ROBO2: variants seen among roughly 807,000 people sequenced by gnomAD.
ROBO2 encodes the protein roundabout homolog 2.
In ROBO2, 53 loss-of-function variants were observed where a neutral mutation model predicts 160.8. That is an observed-to-expected ratio of 0.33 (90% CI 0.26 to 0.41). The LOEUF (loss-of-function observed/expected upper bound fraction) is 0.41. ROBO2 is among the 10% of genes least tolerant of loss of function. The pLI is 1.00. For synonymous variants in ROBO2, 664 were observed against 611.7 expected (o/e 1.09, Z -1.26); for missense variants, 1,577 against 1,722.4 (o/e 0.92, Z 1.49).
intron 2 of ROBO2, among the ~76,000 whole-genome samples, chr3:76,728,816 C>A (rs1333165512): frequency 6.6e-6 from 1 of 152,154 alleles, no homozygotes; most frequent in African/African-American, 2.4e-5. Context: ...AAAAATGTGC[C>A]AGAGGGCATC....
intron 2 of ROBO2, among the ~76,000 whole-genome samples, chr3:76,031,985 C>T (rs1394387141): frequency 1.3e-5 from 2 of 151,926 alleles, no homozygotes; most frequent in Non-Finnish European, 2.9e-5. Flanking sequence ...GCTGTGAATC[C>T]TGGACTTTTT....
intron 2 of ROBO2, among the ~76,000 whole-genome samples, chr3:77,099,334 A>G (rs577960118): frequency 1.4e-4 from 21 of 152,094 alleles, no homozygotes; most frequent in African/African-American, 5.1e-4. Context: ...TTATGTAGCT[A>G]TCCCAATGAA....
At chr3:76,968,019 G>T (rs1489046159) in intron 2 of ROBO2, among the ~76,000 whole-genome samples, 1 of 152,018 alleles carries the variant, frequency 6.6e-6, no homozygotes, top group African/African-American at 2.4e-5. Context: ...TACATTTTGT[G>T]TTTTTGTTTT....
chr3:75,953,167 G>T (rs1316865172), intron 2 of ROBO2, among the ~76,000 whole-genome samples: 3 of 151,916 alleles, frequency 2.0e-5, no homozygotes. Flanking sequence ...GTAAGAGTAT[G>T]TTTAGTTTTG....
intron 2 of ROBO2, among the ~76,000 whole-genome samples, chr3:76,118,841 G>A (rs752798305): frequency 2.2e-4 from 34 of 152,254 alleles, no homozygotes; most frequent in Middle Eastern, 3.4e-3. Context: ...ACTACCATCA[G>A]TAATGGTATT....
rs1431207027 is a variant in ROBO2 at position 77,293,442 on chromosome 3, T to C, written c.389-183972T>C. Reference sequence around the variant, plus strand: ...AACGGGTAAGCTGAGGCTAGATCACTAAAGACATAAAGTAAAATTGACGGT... The same window carrying C: ...AACGGGTAAGCTGAGGCTAGATCACCAAAGACATAAAGTAAAATTGACGGT... On this transcript the variant is annotated intron_variant, in intron 2 of 25. Transcript: ENST00000461745. Among the ~76,000 whole-genome samples the C allele has an allele frequency of 6.4e-3, 810 of 126,086 alleles. 8 individuals are homozygous for C. Among genetic ancestry groups the C allele is most frequent in the African/African-American group, 0.026 (744 of 28,132 alleles). 82.7% of individuals were successfully genotyped at this position (126,086 alleles called of 152,430 possible).
chr3:77,431,002 A>C (rs566451841), intron 2 of ROBO2, among the ~76,000 whole-genome samples: 50 of 152,252 alleles, frequency 3.3e-4, no homozygotes, highest in African/African-American at 1.2e-3. Flanking sequence ...ATTGTCATTA[A>C]ATTTTATATG....
chr3:77,645,450 C>A (rs2095403563), intron 25 of ROBO2, among the ~76,000 whole-genome samples: 1 of 152,006 alleles, frequency 6.6e-6, no homozygotes, highest in African/African-American at 2.4e-5. Context: ...AATTAATTTT[C>A]TAAATGTAAA....
At chr3:76,262,182 C>T (rs148728011) in intron 2 of ROBO2, among the ~76,000 whole-genome samples, 9,262 of 151,984 alleles carry the variant, frequency 0.061, 375 homozygotes, top group Middle Eastern at 0.11. Flanking sequence ...GTAAACTAGA[C>T]AATTGTATTT....
chr3:77,400,874 T>C (rs1305063049), intron 2 of ROBO2, among the ~76,000 whole-genome samples: 6 of 152,294 alleles, frequency 3.9e-5, no homozygotes, highest in East Asian at 1.9e-4. Context: ...TTAATTACAA[T>C]TCAATGTTTT....
In ROBO2 at chr3:76,921,854, T is replaced by C. The variant is rs141894703; in HGVS notation, c.110-176160T>C. On this transcript the variant is annotated intron_variant, in intron 2 of 26. Coordinates refer to the ROBO2 transcript ENST00000487694. ...TAGACTCATATCTCACTTTCTAGGA[T>C]TATGTGAGCTTGTATAATTATCCAG... is the stretch of plus-strand genomic sequence containing the variant. 1.5e-3 allele frequency among the ~76,000 whole-genome samples: 231 copies of C among 152,244 alleles called. 2 individuals carry two copies. Among genetic ancestry groups the C allele is most frequent in the African/African-American group, 5.4e-3 (226 of 41,528 alleles).
At chr3:76,206,257 C>A (rs554600349) in intron 2 of ROBO2, among the ~76,000 whole-genome samples, 124 of 152,156 alleles carry the variant, frequency 8.1e-4, no homozygotes, top group African/African-American at 2.7e-3. Context: ...TGTCTGAGAG[C>A]TGTCCTCATT....
intron 2 of ROBO2, among the ~76,000 whole-genome samples, chr3:76,566,007 C>T (rs1206453379): frequency 3.3e-5 from 5 of 152,174 alleles, no homozygotes; most frequent in Non-Finnish European, 7.3e-5. Flanking sequence ...TCACTGAACT[C>T]CTTGTAACTG....
rs2090933364 is a variant in ROBO2 at position 77,524,407 on chromosome 3, CAGCTTTT to C, written c.934+1506_934+1512del. On this transcript the variant is annotated intron_variant, in intron 6 of 25. Transcript: ENST00000461745. ...ATACATTTGTCATATGTTTGCTAGG[CAGCTTTT>C]TGCAAAAACAATTCACTAGACCAAA... is the stretch of plus-strand genomic sequence containing the variant. Among the ~76,000 whole-genome samples, 3 of 151,382 alleles carry C rather than the reference CAGCTTTT, an allele frequency of 2.0e-5. No homozygotes were observed. In the South Asian group the frequency reaches 6.2e-4, roughly 31 times the overall value.
chr3:77,081,719 A>G (rs1247825169), intron 1 of ROBO2, among the ~76,000 whole-genome samples: 1 of 152,220 alleles, frequency 6.6e-6, no homozygotes, highest in Non-Finnish European at 1.5e-5. Context: ...TTCTATGAGC[A>G]ATGAGCTCTT....
chr3:77,455,006 G>C (rs1431034388), intron 2 of ROBO2, among the ~76,000 whole-genome samples: 1 of 152,148 alleles, frequency 6.6e-6, no homozygotes, highest in Non-Finnish European at 1.5e-5. Context: ...AGAAAAAATG[G>C]ATTAGTAGTT....
At chr3:75,996,214 A>G (rs2065722013) in intron 2 of ROBO2, among the ~76,000 whole-genome samples, 1 of 152,192 alleles carries the variant, frequency 6.6e-6, no homozygotes, top group South Asian at 2.1e-4. Flanking sequence ...CTCATCTTGA[A>G]TTTTAATTCC....
chr3:76,916,769 G>T (rs572053832), intron 2 of ROBO2, among the ~76,000 whole-genome samples: 51 of 152,074 alleles, frequency 3.4e-4, no homozygotes, highest in African/African-American at 1.2e-3. Flanking sequence ...AAAAAGAAAA[G>T]AAAAAGAACA....
At chr3:76,623,635 T>TA (rs1230889708) in intron 2 of ROBO2, among the ~76,000 whole-genome samples, 1 of 152,186 alleles carries the variant, frequency 6.6e-6, no homozygotes, top group African/African-American at 2.4e-5. Flanking sequence ...ACTGCAGCCT[T>TA]AAACAGGCAC....
Sources: gnomAD v4.1 joint callset for allele counts (sites outside exome capture counted in the v4.1 genomes callset) on GRCh38, gnomAD v4.1.1 for gene constraint, MANE v1.5 for transcripts, NCBI Gene and HGNC (gene_info 2026-07-23, HGNC 2026-07-21) for gene names.